Variants in WHR1 observed in about 807,000 individuals in gnomAD.
WHR1 encodes winged helix repair factor 1.
At chr6:31,972,374 A>G in the WHR1 span, 2 of 1,612,998 alleles carry the variant, frequency 1.2e-6, no homozygotes, top group Non-Finnish European at 1.7e-6. This position sits in a 1 kb window ranked among gnomAD's most constrained non-coding sequence, Gnocchi z 6.3. Context: ...TCTTCCCTCC[A>G]TTCCTACCCC....
the WHR1 span, chr6:31,980,725 C>G: frequency 6.2e-7 from 1 of 1,608,994 alleles, no homozygotes; most frequent in South Asian, 1.1e-5. Context: ...GCTCCTGGGC[C>G]GGCGGGCGCC....
the WHR1 span, chr6:31,972,650 A>G: frequency 6.2e-7 from 1 of 1,613,582 alleles, no homozygotes; most frequent in Non-Finnish European, 8.5e-7. This position sits in a 1 kb window ranked among gnomAD's most constrained non-coding sequence, Gnocchi z 6.3. Context: ...CTCAGAACTC[A>G]TGCAGCTGTT....
chr6:31,971,332 C>T, the WHR1 span: 1 of 1,542,608 alleles, frequency 6.5e-7, no homozygotes, highest in Non-Finnish European at 8.7e-7. This position sits in a 1 kb window ranked among gnomAD's most constrained non-coding sequence, Gnocchi z 4.5. Flanking sequence ...CTCCAACCGG[C>T]CTCGGTGTTC....
chr6:31,972,010 T>G, the WHR1 span: 4 of 1,605,028 alleles, frequency 2.5e-6, no homozygotes, highest in Non-Finnish European at 3.4e-6. This position sits in a 1 kb window ranked among gnomAD's most constrained non-coding sequence, Gnocchi z 6.3. Context: ...CAAAAGTGGT[T>G]TTCTGCTTTC....
chr6:31,979,622 C>T, the WHR1 span: 2 of 1,553,012 alleles, frequency 1.3e-6, no homozygotes, highest in South Asian at 2.4e-5. Context: ...TTCCATCCAG[C>T]CTGTCCTCCT....
the WHR1 span, chr6:31,980,166 G>A: frequency 2.2e-6 from 1 of 450,076 alleles, no homozygotes; most frequent in Non-Finnish European, 4.0e-6. Flanking sequence ...TGTGTGTCAG[G>A]ACATGTGGTC....
At chr6:31,976,030 G>C in the WHR1 span, among the ~76,000 whole-genome samples, 6 of 144,434 alleles carry the variant, frequency 4.2e-5, no homozygotes, top group South Asian at 4.5e-4. Context: ...CTGGCCGGGC[G>C]GGGGGGGCTG....
At chr6:31,972,549 G>A in the WHR1 span, 2 of 1,595,388 alleles carry the variant, frequency 1.3e-6, no homozygotes, top group Admixed American at 1.7e-5. This position sits in a 1 kb window ranked among gnomAD's most constrained non-coding sequence, Gnocchi z 6.3. Context: ...CCTCGCTTCC[G>A]GTAGCCGAGA....
chr6:31,978,381 T>G, the WHR1 span, among the ~76,000 whole-genome samples: 1 of 152,076 alleles, frequency 6.6e-6, no homozygotes, highest in Non-Finnish European at 1.5e-5. Context: ...CAATTGATCC[T>G]GCTACCTCAG....
the WHR1 span, among the ~76,000 whole-genome samples, chr6:31,977,135 G>C: frequency 6.6e-6 from 1 of 151,914 alleles, no homozygotes; most frequent in Non-Finnish European, 1.5e-5. Context: ...AATGTTCTGG[G>C]CAGATTTGCC....
At chr6:31,971,385 C>T in the WHR1 span, 1 of 1,581,936 alleles carries the variant, frequency 6.3e-7, no homozygotes, top group South Asian at 1.2e-5. This position sits in a 1 kb window ranked among gnomAD's most constrained non-coding sequence, Gnocchi z 4.5. Context: ...CCTGGACCTC[C>T]TCGTCCCGGG....
At chr6:31,972,026 T>C in the WHR1 span, 3 of 1,608,890 alleles carry the variant, frequency 1.9e-6, no homozygotes, top group Non-Finnish European at 2.6e-6. The surrounding 1 kb of genome is among the most constrained non-coding windows in gnomAD (Gnocchi z 6.3). Context: ...CTTTCGATGA[T>C]GCAATCATTC....
the WHR1 span, chr6:31,972,407 G>T: frequency 3.5e-5 from 56 of 1,612,978 alleles, no homozygotes; most frequent in Non-Finnish European, 4.3e-5. The surrounding 1 kb of genome is among the most constrained non-coding windows in gnomAD (Gnocchi z 6.3). Context: ...ATAAAATCCC[G>T]GGATATGAGC....
chr6:31,979,001 A>G, the WHR1 span: 91 of 1,610,982 alleles, frequency 5.6e-5, no homozygotes, highest in Middle Eastern at 1.0e-3. Flanking sequence ...GGACCAGAGT[A>G]TGTGACTGTG....
At chr6:31,977,853 G>T in the WHR1 span, among the ~76,000 whole-genome samples, 3 of 151,862 alleles carry the variant, frequency 2.0e-5, no homozygotes, top group Non-Finnish European at 4.4e-5. Context: ...GAGCGCAGTG[G>T]CATGATCTCG....
chr6:31,971,912 A>C, the WHR1 span: 2 of 1,529,240 alleles, frequency 1.3e-6, no homozygotes, highest in Non-Finnish European at 1.8e-6. This position sits in a 1 kb window ranked among gnomAD's most constrained non-coding sequence, Gnocchi z 4.5. Flanking sequence ...CTGCGCTCAG[A>C]TCAAGAATCC....
the WHR1 span, chr6:31,980,574 C>T: frequency 2.1e-5 from 34 of 1,606,370 alleles, no homozygotes; most frequent in South Asian, 3.4e-4. Context: ...CTCAAGCCTG[C>T]AGCCCCTCAC....
chr6:31,971,399 G>C, the WHR1 span: 1 of 1,598,276 alleles, frequency 6.3e-7, no homozygotes, highest in Non-Finnish European at 8.6e-7. The surrounding 1 kb of genome is among the most constrained non-coding windows in gnomAD (Gnocchi z 4.5). Context: ...TCCCGGGGCT[G>C]GTATCGATCC....
At chr6:31,974,622 G>A in the WHR1 span, among the ~76,000 whole-genome samples, 1 of 152,206 alleles carries the variant, frequency 6.6e-6, no homozygotes, top group Admixed American at 6.5e-5. Flanking sequence ...GCTGGGCATG[G>A]TGGTGTGCAC....
Sources: allele counts gnomAD v4.1 joint callset (sites outside exome capture counted in the v4.1 genomes callset), GRCh38; gene constraint gnomAD v4.1.1; non-coding constraint Gnocchi (gnomAD v3.1); transcripts MANE v1.5; gene names NCBI Gene and HGNC (gene_info 2026-07-23, HGNC 2026-07-21).